The following NCOR2 variants were observed in gnomAD, a reference collection of about 807,000 sequenced individuals.
The protein encoded by NCOR2 is nuclear receptor corepressor 2.
NCOR2 carries 81 observed loss-of-function variants against 262.9 expected under a neutral mutation model. The observed-to-expected ratio is 0.31, with a 90% CI of 0.26 to 0.37. NCOR2 has a LOEUF of 0.37. Ranked by LOEUF, NCOR2 falls within the 10% of genes least tolerant of loss-of-function variation. The pLI is 1.00. For synonymous variants in NCOR2, 1,659 were observed against 1,559.3 expected, an observed-to-expected ratio of 1.06 and a Z score of -1.51; for missense variants, 3,385 against 3,621.4, an observed-to-expected ratio of 0.93 and a Z score of 1.68.
intron 5 of NCOR2, among the ~76,000 whole-genome samples, chr12:124,459,383 C>T (rs182671995): frequency 7.2e-5 from 11 of 152,262 alleles, no homozygotes; most frequent in African/African-American, 1.7e-4. Flanking sequence ...CCCCACATCC[C>T]CTGCTCCCAG....
In NCOR2 at chr12:124,558,943, C is replaced by G. The variant is rs1056063851; in HGVS notation, c.-165+8365G>C. Among the ~76,000 whole-genome samples the G allele has an allele frequency of 3.9e-5, 6 of 152,320 alleles. No individual in the cohort carries two copies. The East Asian group carries it at 1.2e-3, about 29-fold the overall frequency. On this transcript the variant is annotated intron_variant, in intron 1 of 32. Transcript: ENST00000458234. The stretch of plus-strand genomic sequence containing the variant: ...ATGTCACTCAGACCTGTGGGTCCCC[C>G]CAGATCCACTCATCAGCCCTAAAAT...
intron 20 of NCOR2, among the ~76,000 whole-genome samples, chr12:124,364,024 C>T (rs1313466698): frequency 2.0e-5 from 3 of 152,166 alleles, no homozygotes; most frequent in South Asian, 2.1e-4. Context: ...AGTGGGCGGG[C>T]AAGTGCCTCC....
chr12:124,354,759 C>A, intron 25 of NCOR2, 78 bp downstream of exon 27: 1 of 1,426,552 alleles, frequency 7.0e-7, no homozygotes, highest in South Asian at 1.3e-5. Context: ...GCCAAGATAC[C>A]CCTTCCTCCC....
At chr12:124,346,574 G>T in exon 31 of NCOR2, 1 of 1,557,144 alleles carries the variant, frequency 6.4e-7, no homozygotes, top group Non-Finnish European at 8.6e-7. Context: ...CTGCGTGATG[G>T]AGCCCTCCTT....
exon 47 of NCOR2, chr12:124,324,481 G>A (rs8546): frequency 0.16 from 24,380 of 152,306 alleles, 2,094 homozygotes; most frequent in Non-Finnish European, 0.2. Flanking sequence ...ACCCTGCGCA[G>A]ATGGCGGCCA....
At chr12:124,564,746 GA>G (rs1199895923) in intron 1 of NCOR2, among the ~76,000 whole-genome samples, 1 of 152,126 alleles carries the variant, frequency 6.6e-6, no homozygotes, top group African/African-American at 2.4e-5. Flanking sequence ...CACACTCTCA[GA>G]TGGGGGTTGG....
chr12:124,454,470 G>A lies in NCOR2; in HGVS notation c.762+2636C>T, dbSNP rs1359984143. Among the ~76,000 whole-genome samples, 1 of 152,124 alleles carries A rather than the reference G, an allele frequency of 6.6e-6. No individual in the cohort carries two copies. The highest frequency in any genetic ancestry group is 6.5e-5 in the Admixed American group (1 of 15,282). On this transcript the variant is annotated intron_variant, in intron 6 of 46. Transcript: ENST00000405201. This position sits in a 1 kb window ranked among gnomAD's most constrained non-coding sequence, Gnocchi z 5.6. ...TCCAAAGCTTCTGACACCAGCAGCT[G>A]CCCACCCCCATCTGCCCACAGACTC...
chr12:124,558,757 G>A (rs2051969395), intron 1 of NCOR2, among the ~76,000 whole-genome samples: 3 of 152,180 alleles, frequency 2.0e-5, no homozygotes, highest in African/African-American at 7.2e-5. Flanking sequence ...CAGTCAGGAG[G>A]GAGAGGGGCT....
chr12:124,354,045 C>G (rs4765555), intron 27 of NCOR2, 48 bp downstream of exon 29: 456,389 of 1,526,704 alleles, frequency 0.3, 70,871 homozygotes, highest in Admixed American at 0.5. Context: ...ATGGGCTGGC[C>G]CCGTGCTGGT....
At chr12:124,456,794 G>T (rs140953210) in intron 6 of NCOR2, among the ~76,000 whole-genome samples, 1 of 152,174 alleles carries the variant, frequency 6.6e-6, no homozygotes, top group African/African-American at 2.4e-5. Flanking sequence ...CAAGCGCACC[G>T]GCCTACGGAT....
chr12:124,411,599 G>A (rs2042590750), intron 13 of NCOR2, among the ~76,000 whole-genome samples: 1 of 152,196 alleles, frequency 6.6e-6, no homozygotes, highest in Non-Finnish European at 1.5e-5. Context: ...TCACATCCTC[G>A]CTCCCCAACG....
intron 1 of NCOR2, chr12:124,513,572 T>C (rs750979482): frequency 6.6e-6 from 1 of 152,126 alleles, no homozygotes; most frequent in Non-Finnish European, 1.5e-5. Flanking sequence ...TGCCATTCAG[T>C]TGGTAATACT....
At chr12:124,490,766 C>T (rs11057637) in intron 1 of NCOR2, among the ~76,000 whole-genome samples, 9,838 of 152,326 alleles carry the variant, frequency 0.065, 448 homozygotes, top group Non-Finnish European at 0.097. Context: ...TACTACTCCA[C>T]CAAAGGTCTG....
chr12:124,372,449 T>C (rs774953506), exon 20 of NCOR2: 2 of 882,954 alleles, frequency 2.3e-6, no homozygotes, highest in Non-Finnish European at 2.8e-6. Context: ...GTGGGCTCAG[T>C]GGGGGCCGGG....
chr12:124,348,377 G>A (rs2037120959), intron 28 of NCOR2, 63 bp from the exon 31 acceptor site: 1 of 1,529,254 alleles, frequency 6.5e-7, no homozygotes, highest in South Asian at 1.3e-5. Context: ...CGGTGGGCAG[G>A]CAGGACAGGC....
intron 27 of NCOR2, 73 bp from the exon 30 acceptor site, chr12:124,350,810 A>C: frequency 2.0e-6 from 3 of 1,510,410 alleles, no homozygotes; most frequent in Non-Finnish European, 2.7e-6. Flanking sequence ...GCAGGCAAAG[A>C]CGTGCTTAAA....
intron 19 of NCOR2, among the ~76,000 whole-genome samples, 192 bp from the exon 22 acceptor site, chr12:124,372,802 C>T (rs2039606040): frequency 6.6e-6 from 1 of 152,154 alleles, no homozygotes; most frequent in Admixed American, 6.5e-5. Flanking sequence ...CCCCTACCCA[C>T]AGCTGCTGCC....
Position 124,483,864 on chromosome 12 carries a change from T to C in NCOR2, c.234-91A>G, listed in dbSNP as rs1047744965. On this transcript the variant is annotated intron_variant, in intron 2 of 46. Transcript: ENST00000405201. This position sits in a 1 kb window ranked among gnomAD's most constrained non-coding sequence, Gnocchi z 6.3. ...ACCACCCTCTGCGCCGAGCATCTAC[T>C]GCGCGCCGTGCTCTGTATGATCCTG... 10 of 1,364,840 alleles carry C rather than the reference T, an allele frequency of 7.3e-6. No individual in the cohort carries two copies. The highest frequency in any genetic ancestry group is 6.8e-6 in the Non-Finnish European group (7 of 1,033,772). 84.5% of individuals were successfully genotyped at this position (1,364,840 alleles called of 1,614,324 possible).
chr12:124,347,972 CAG>C lies in NCOR2; in HGVS notation c.3986-63_3986-62del, dbSNP rs1322110276. On this transcript the variant is annotated intron_variant, in intron 29 of 46. Coordinates refer to ENST00000405201, the Ensembl canonical transcript of NCOR2. ...TCCCTGAGCCGACACTGGGCAGTGA[CAG>C]GGGTCAGTGTTTACAGCCGCCAGTG... The C allele has an allele frequency of 6.6e-6, 10 of 1,521,148 alleles. No homozygotes were observed. The South Asian group carries it at 8.4e-5, about 13-fold the overall frequency. The allele number at this position is 1,521,148 out of a possible 1,614,324, so 94.2% of individuals were successfully genotyped here.
Sources: allele counts gnomAD v4.1 joint callset (sites outside exome capture counted in the v4.1 genomes callset), GRCh38; gene constraint gnomAD v4.1.1; non-coding constraint Gnocchi (gnomAD v3.1); transcripts MANE v1.5; gene names NCBI Gene and HGNC (gene_info 2026-07-23, HGNC 2026-07-21).